RORA: variants seen among roughly 807,000 people sequenced by gnomAD.
RORA encodes nuclear receptor ROR-alpha.
In RORA, 7 loss-of-function variants were observed where a neutral mutation model predicts 69.5. That is an observed-to-expected ratio of 0.10 (90% CI 0.06 to 0.19). The LOEUF (loss-of-function observed/expected upper bound fraction) is 0.19. RORA is among the 10% of genes least tolerant of loss of function. RORA has a pLI of 1.00. For synonymous variants in RORA, 261 were observed against 240.8 expected, an observed-to-expected ratio of 1.08 and a Z score of -0.78; for missense variants, 457 against 663.0, an observed-to-expected ratio of 0.69 and a Z score of 3.41.
At chr15:60,862,149 C>A (rs1308696440) in intron 1 of RORA, among the ~76,000 whole-genome samples, 1 of 152,210 alleles carries the variant, frequency 6.6e-6, no homozygotes, top group Non-Finnish European at 1.5e-5. Flanking sequence ...TCTTTACCCA[C>A]CTTTTTCCTC....
chr15:60,577,751 T>C (rs911408207), intron 2 of RORA, among the ~76,000 whole-genome samples: 5 of 152,062 alleles, frequency 3.3e-5, no homozygotes, highest in African/African-American at 7.2e-5. Context: ...AATTTACTTA[T>C]AATTCAACTT....
At chr15:60,855,373 T>G (rs1316690992) in intron 1 of RORA, among the ~76,000 whole-genome samples, 1 of 152,180 alleles carries the variant, frequency 6.6e-6, no homozygotes, top group Non-Finnish European at 1.5e-5. Flanking sequence ...ACTCCCCAGG[T>G]GCTTCTGTTC....
At chr15:60,686,062 C>CA (rs889525996) in intron 1 of RORA, among the ~76,000 whole-genome samples, 23 of 149,392 alleles carry the variant, frequency 1.5e-4, no homozygotes, top group African/African-American at 2.2e-4. Context: ...TTTTTGAATT[C>CA]AAAAAAAAAA....
intron 1 of RORA, among the ~76,000 whole-genome samples, chr15:60,812,241 C>T (rs1016938288): frequency 6.6e-5 from 10 of 152,168 alleles, no homozygotes; most frequent in African/African-American, 2.4e-4. Flanking sequence ...CGGTGCCTCA[C>T]ACCTGTAATC....
intron 2 of RORA, chr15:60,627,446 A>G (rs2069620313): frequency 1.1e-5 from 17 of 1,597,072 alleles, no homozygotes; most frequent in Middle Eastern, 1.7e-4. Context: ...ATGGAGTCCA[A>G]GGTGATCAGA....
intron 1 of RORA, chr15:60,848,812 T>A (rs918910838): frequency 6.6e-6 from 1 of 152,170 alleles, no homozygotes; most frequent in African/African-American, 2.4e-5. Context: ...ATCGTGAGAA[T>A]AGCAAGAGGG....
At chr15:60,894,544 G>C (rs927051525) in intron 1 of RORA, among the ~76,000 whole-genome samples, 1 of 152,210 alleles carries the variant, frequency 6.6e-6, no homozygotes, top group East Asian at 1.9e-4. Flanking sequence ...TTATTTTGGA[G>C]GATGGTTCCT....
In RORA at chr15:61,031,184, A is replaced by C. The variant is rs145490466; in HGVS notation, c.166+197869T>G. On this transcript the variant is annotated intron_variant, in intron 1 of 10. Coordinates refer to ENST00000335670, the MANE Select transcript of RORA (RefSeq NM_134261.3). ...CCAAAAGTATTATTAGCTAGCTGAA[A>C]CTCAATTATGATATAAAGAAAAATT... Among the ~76,000 whole-genome samples the C allele has an allele frequency of 1.5e-3, 236 of 152,264 alleles. 2 individuals are homozygous for C. Among genetic ancestry groups the C allele is most frequent in the African/African-American group, 5.4e-3 (225 of 41,564 alleles).
At chr15:60,973,637 T>A (rs188995612) in intron 1 of RORA, among the ~76,000 whole-genome samples, 27 of 152,332 alleles carry the variant, frequency 1.8e-4, no homozygotes, top group Non-Finnish European at 3.5e-4. Flanking sequence ...GCTGTTAACA[T>A]TATTCGGCTT....
chr15:61,130,529 T>C (rs776464244), intron 1 of RORA, among the ~76,000 whole-genome samples: 2 of 152,196 alleles, frequency 1.3e-5, no homozygotes, highest in African/African-American at 2.4e-5. Flanking sequence ...GAATTCAGAA[T>C]TTATAGATAT....
chr15:60,896,482 G>C (rs4774376), intron 1 of RORA, among the ~76,000 whole-genome samples: 132,948 of 152,242 alleles, frequency 0.87, 58,644 homozygotes, highest in Non-Finnish European at 0.9. Flanking sequence ...ACCCACACAG[G>C]AAGTCTTAGT....
chr15:61,024,270 CTTTTTTTTTTTT>C (rs34008494), intron 1 of RORA, among the ~76,000 whole-genome samples: 2 of 79,414 alleles, frequency 2.5e-5, no homozygotes, highest in East Asian at 4.0e-4. Flanking sequence ...TCTTGGATCT[CTTTTTTTTTTTT>C]TTTTTTTTTT....
At chr15:61,105,000 C>CA (rs888686105) in intron 1 of RORA, among the ~76,000 whole-genome samples, 2 of 143,388 alleles carry the variant, frequency 1.4e-5, no homozygotes, top group Non-Finnish European at 3.1e-5. Context: ...GAGGCGCCCC[C>CA]CCCACCGCCC....
chr15:61,005,947 TTTTG>T (rs922414108), intron 1 of RORA, among the ~76,000 whole-genome samples: 16 of 149,858 alleles, frequency 1.1e-4, no homozygotes, highest in East Asian at 1.0e-3. Flanking sequence ...TATATATATT[TTTTG>T]TTTGTTTGTT....
At chr15:61,119,087 G>GT (rs898092285) in intron 1 of RORA, among the ~76,000 whole-genome samples, 1 of 134,140 alleles carries the variant, frequency 7.5e-6, no homozygotes, top group South Asian at 2.5e-4. Context: ...CAGAAGGGGG[G>GT]GGGGGGCGCC....
intron 3 of RORA, among the ~76,000 whole-genome samples, chr15:60,521,475 C>T (rs1019675591): frequency 2.6e-5 from 4 of 151,982 alleles, no homozygotes; most frequent in Non-Finnish European, 5.9e-5. Flanking sequence ...CTCTTGACCC[C>T]GTGATTCGCC....
intron 1 of RORA, among the ~76,000 whole-genome samples, chr15:61,056,455 G>A (rs1227513087): frequency 1.3e-5 from 2 of 152,154 alleles, no homozygotes; most frequent in African/African-American, 4.8e-5. Flanking sequence ...AAAAAGGGGA[G>A]AAACTGAAGA....
chr15:60,880,597 C>T (rs1409988826), intron 1 of RORA, among the ~76,000 whole-genome samples: 1 of 152,122 alleles, frequency 6.6e-6, no homozygotes, highest in Non-Finnish European at 1.5e-5. Context: ...CAAGATCATG[C>T]CACTGCACTC....
intron 1 of RORA, among the ~76,000 whole-genome samples, chr15:60,736,095 A>G (rs1208444562): frequency 6.6e-6 from 1 of 152,248 alleles, no homozygotes; most frequent in East Asian, 1.9e-4. Context: ...AGTCTAGGGG[A>G]GGGGCTGAAC....
Sources: allele counts gnomAD v4.1 joint callset (sites outside exome capture counted in the v4.1 genomes callset), GRCh38; gene constraint gnomAD v4.1.1; transcripts MANE v1.5; gene names NCBI Gene and HGNC (gene_info 2026-07-23, HGNC 2026-07-21).